Variants in SEMA3E observed in about 807,000 individuals in gnomAD.
The protein encoded by SEMA3E is semaphorin-3E.
A neutral mutation model predicts 93.6 loss-of-function variants in SEMA3E; 49 were observed. That is an observed-to-expected ratio of 0.52 (90% confidence interval 0.42 to 0.66). The LOEUF is 0.66. SEMA3E is among the 30% of genes least tolerant of loss of function. The pLI is 0.00. For missense variants in SEMA3E, 906 were observed against 964.8 expected, an observed-to-expected ratio of 0.94 and a Z score of 0.81; for synonymous variants, 363 against 330.7, an observed-to-expected ratio of 1.10 and a Z score of -1.06.
At chr7:83,604,530 GTA>G (rs563275414) in intron 1 of SEMA3E, among the ~76,000 whole-genome samples, 10 of 146,754 alleles carry the variant, frequency 6.8e-5, no homozygotes, top group East Asian at 2.0e-4. Flanking sequence ...ACATATATAT[GTA>G]TATATATATA....
intron 4 of SEMA3E, among the ~76,000 whole-genome samples, chr7:83,420,306 G>A (rs1021773508): frequency 6.6e-6 from 1 of 152,038 alleles, no homozygotes; most frequent in Non-Finnish European, 1.5e-5. Context: ...TCATATAGAT[G>A]ATACAAACAA....
At chr7:83,493,968 T>C (rs1299219098) in intron 1 of SEMA3E, among the ~76,000 whole-genome samples, 1 of 151,936 alleles carries the variant, frequency 6.6e-6, no homozygotes, top group Non-Finnish European at 1.5e-5. Context: ...CATTCTAAAA[T>C]AGAAACTATT....
At chr7:83,630,853 G>A (rs1025706665) in intron 1 of SEMA3E, among the ~76,000 whole-genome samples, 2 of 151,904 alleles carry the variant, frequency 1.3e-5, no homozygotes, top group Non-Finnish European at 2.9e-5. Context: ...AAAAATATAG[G>A]GTTATTTTAA....
intron 2 of SEMA3E, among the ~76,000 whole-genome samples, chr7:83,482,564 C>CAAAAAAAAAAAAAAAAAA (rs11429680): frequency 5.0e-5 from 4 of 80,230 alleles, no homozygotes; most frequent in African/African-American, 2.3e-4. Flanking sequence ...CACTCCGTCT[C>CAAAAAAAAAAAAAAAAAA]AAAAAAAAAA....
chr7:83,463,594 T>C (rs1159247647), intron 4 of SEMA3E, among the ~76,000 whole-genome samples: 3 of 152,030 alleles, frequency 2.0e-5, no homozygotes, highest in Non-Finnish European at 4.4e-5. Flanking sequence ...TTCACCCCAT[T>C]TCCCCAAATT....
At chr7:83,407,331 C>T (rs1366347145) in intron 6 of SEMA3E, 92 bp from the exon 7 acceptor site, 3 of 1,106,610 alleles carry the variant, frequency 2.7e-6, no homozygotes, top group East Asian at 2.5e-5. Context: ...CATCTGAATC[C>T]TTAAGTTTAA....
chr7:83,499,965 G>A (rs1187597460), intron 1 of SEMA3E, among the ~76,000 whole-genome samples: 1 of 152,146 alleles, frequency 6.6e-6, no homozygotes, highest in Non-Finnish European at 1.5e-5. Flanking sequence ...ATTATGTGGG[G>A]ATAAGAAATG....
intron 1 of SEMA3E, among the ~76,000 whole-genome samples, chr7:83,504,765 G>A (rs1420604245): frequency 6.6e-6 from 1 of 152,076 alleles, no homozygotes; most frequent in Non-Finnish European, 1.5e-5. Flanking sequence ...GACCACCCAT[G>A]TTTTCTCTGG....
At chr7:83,403,112 G>A (rs532795704) in intron 9 of SEMA3E, among the ~76,000 whole-genome samples, 104 of 151,914 alleles carry the variant, frequency 6.8e-4, no homozygotes, top group Non-Finnish European at 1.4e-3. Flanking sequence ...TTATTCCCAA[G>A]TTGAATTACT....
intron 4 of SEMA3E, among the ~76,000 whole-genome samples, chr7:83,440,300 C>CCTGG (rs1789086763): frequency 6.6e-6 from 1 of 151,852 alleles, no homozygotes; most frequent in Admixed American, 6.6e-5. Context: ...TATTTCTTGT[C>CCTGG]CTGGAGGTGG....
intron 4 of SEMA3E, among the ~76,000 whole-genome samples, chr7:83,426,278 A>G (rs1020900485): frequency 1.1e-4 from 16 of 152,224 alleles, no homozygotes; most frequent in Non-Finnish European, 1.6e-4. Flanking sequence ...ATGCATTTGT[A>G]TGTTCATTGC....
intron 1 of SEMA3E, among the ~76,000 whole-genome samples, chr7:83,497,265 C>T (rs1046713426): frequency 1.3e-5 from 2 of 152,004 alleles, no homozygotes; most frequent in Admixed American, 6.6e-5. Flanking sequence ...TCCTTGTGTA[C>T]GATGAAGGAG....
At position 83,459,200 on chromosome 7, in the gene SEMA3E, G is replaced by C. The variant is rs142191684; in HGVS notation, c.456+7282C>G. 4.2e-3 allele frequency among the ~76,000 whole-genome samples: 635 copies of C among 151,810 alleles called. 7 individuals are homozygous for C. The highest frequency in any genetic ancestry group is 0.014 in the African/African-American group (595 of 41,438). On this transcript the variant is annotated intron_variant, in intron 4 of 16. Transcript: ENST00000643230. ...CAATGATAAAGACAAAATCTTAAAA[G>C]ATAAAGCAATTTTAAAAGGGAAACA... is the stretch of plus-strand genomic sequence containing the variant.
At chr7:83,524,544 C>T (rs1327238862) in intron 1 of SEMA3E, among the ~76,000 whole-genome samples, 5 of 152,006 alleles carry the variant, frequency 3.3e-5, no homozygotes, top group East Asian at 3.9e-4. Context: ...GAATTTAACA[C>T]GTCATTCATT....
Position 83,418,399 on chromosome 7 carries a change from T to C in SEMA3E, c.541A>G (p.Thr181Ala). The C allele has an allele frequency of 6.2e-7, 1 of 1,608,270 alleles. No individual in the cohort carries two copies. Among genetic ancestry groups the C allele is most frequent in the South Asian group, 1.1e-5 (1 of 90,388 alleles). The stretch of plus-strand genomic sequence containing the variant: ...TGGCAATGACAATTACCAATTAAAG[T>C]GGAGATGAAGGAGGAGCTGGGGTCA... The part of the protein sequence containing the change: ...PFDPSSSFIS[T>A]LIGSELFAGL... The change falls in exon 5 of 17, where the codon ACT (threonine) becomes GCT (alanine). Residue 181 changes from threonine to alanine, a missense_variant. Thr to Ala is a moderately conservative substitution (Grantham distance 58). Coordinates refer to ENST00000643230, the MANE Select transcript of SEMA3E (RefSeq NM_012431.3).
chr7:83,636,115 G>A (rs1189520042), intron 1 of SEMA3E, among the ~76,000 whole-genome samples: 1 of 152,162 alleles, frequency 6.6e-6, no homozygotes. Context: ...AGTCAAATGT[G>A]ACAATAATCA....
In SEMA3E at chr7:83,464,985, C is replaced by T. The variant is rs751683875; in HGVS notation, c.456+1497G>A. On this transcript the variant is annotated intron_variant, in intron 4 of 16. Coordinates refer to ENST00000643230, the MANE Select transcript of SEMA3E (RefSeq NM_012431.3). ...AAGCCATCGCATCCCGTGACTTGCA[C>T]GTATACACCCAGATGGCCTGAAGTA... 6.1e-5 allele frequency among the ~76,000 whole-genome samples: 9 copies of T among 146,566 alleles called. No homozygotes were observed. In the East Asian group the frequency reaches 1.2e-3, roughly 20 times the overall value.
At chr7:83,626,978 A>C (rs939937020) in intron 1 of SEMA3E, among the ~76,000 whole-genome samples, 1 of 152,216 alleles carries the variant, frequency 6.6e-6, no homozygotes, top group African/African-American at 2.4e-5. Flanking sequence ...CTAGTCATTC[A>C]GGAGCAGATT....
At chr7:83,481,284 T>G (rs1466784059) in intron 2 of SEMA3E, among the ~76,000 whole-genome samples, 1 of 152,190 alleles carries the variant, frequency 6.6e-6, no homozygotes, top group African/African-American at 2.4e-5. Context: ...TCTCAGATGC[T>G]TTAATTTTTT....
Sources: gnomAD v4.1 joint callset for allele counts (sites outside exome capture counted in the v4.1 genomes callset) on GRCh38, gnomAD v4.1.1 for gene constraint, MANE v1.5 for transcripts, NCBI Gene and HGNC (gene_info 2026-07-23, HGNC 2026-07-21) for gene names.